WNT7B: variants seen among roughly 807,000 people sequenced by gnomAD.
WNT7B encodes protein Wnt-7b.
WNT7B carries 19 observed loss-of-function variants against 38.2 expected under a neutral mutation model. That is an observed-to-expected ratio of 0.50 (90% confidence interval 0.35 to 0.73). The LOEUF (loss-of-function observed/expected upper bound fraction) is 0.73. Among genes scored for constraint, WNT7B ranks in the 30% least tolerant of loss-of-function variants. The probability of loss-of-function intolerance (pLI) is 0.01; values close to 1 mark genes in which losing one functional copy is unlikely to be tolerated. For missense variants in WNT7B, 423 were observed against 507.9 expected, an observed-to-expected ratio of 0.83 and a Z score of 1.61; for synonymous variants, 243 against 209.3, an observed-to-expected ratio of 1.16 and a Z score of -1.39.
At position 45,976,979 on chromosome 22, in the gene WNT7B, G is replaced by T; in HGVS notation, c.-225C>A. ...TGAGCCCGGGGAATTGACCCAGGCTGGGGGCCGCGACCTCGAAGCCCGGTT... is the reference window on the plus strand; with the variant it reads ...TGAGCCCGGGGAATTGACCCAGGCTTGGGGCCGCGACCTCGAAGCCCGGTT... On this transcript the variant is annotated 5_prime_UTR_variant, in exon 1 of 4. Coordinates refer to ENST00000339464, the MANE Select transcript of WNT7B (RefSeq NM_058238.3). The surrounding 1 kb of genome is among the most constrained non-coding windows in gnomAD (Gnocchi z 8.5). 1 of 987,020 alleles carries T rather than the reference G, an allele frequency of 1.0e-6. No individual in the cohort carries two copies. Among genetic ancestry groups the T allele is most frequent in the South Asian group, 4.6e-5 (1 of 21,680 alleles). The allele number at this position is 987,020 out of a possible 1,614,324, so 61.1% of individuals were successfully genotyped here. A position where few individuals can be genotyped will look rare whatever the true frequency, so the allele number is the denominator to read the frequency against.
intron 1 of WNT7B, 78 bp from the exon 2 acceptor site, chr22:45,950,224 T>C: frequency 8.0e-7 from 1 of 1,253,814 alleles, no homozygotes; most frequent in South Asian, 1.3e-5. Flanking sequence ...TTTCCCCCAC[T>C]CAGCCTCTCA....
rs1439858862 is a variant in WNT7B, at chr22:45,949,854, TG to T, written c.298+65del. ...AACAGCGGCCTAGGCTGGCCTTCAG[TG>T]GGTGGCCTGGCCTACTGCCCCTGGC... On this transcript the variant is annotated intron_variant, in intron 2 of 3. Coordinates refer to ENST00000339464, the MANE Select transcript of WNT7B (RefSeq NM_058238.3). 47 of 1,494,676 alleles carry T rather than the reference TG, an allele frequency of 3.1e-5. No homozygotes were observed. The East Asian group carries it at 1.1e-3, about 34-fold the overall frequency. The allele number at this position is 1,494,676 out of a possible 1,614,324, so 92.6% of individuals were successfully genotyped here.
chr22:45,968,798 C>T (rs1932366996), intron 1 of WNT7B, among the ~76,000 whole-genome samples: 2 of 152,264 alleles, frequency 1.3e-5, no homozygotes, highest in South Asian at 4.1e-4. Context: ...ACCCCACATG[C>T]ACACCCTCTA....
chr22:45,929,589 C>T, intron 3 of WNT7B, among the ~76,000 whole-genome samples: 1 of 145,358 alleles, frequency 6.9e-6, no homozygotes, highest in Non-Finnish European at 1.5e-5. Flanking sequence ...TACTTCCATC[C>T]ATTCATGCAT....
Position 45,951,608 on chromosome 22 carries a change from C to A in WNT7B, c.72-1462G>T, listed in dbSNP as rs1931934557. 6.6e-6 allele frequency among the ~76,000 whole-genome samples: 1 copy of A among 152,220 alleles called. No homozygotes were observed. Among genetic ancestry groups the A allele is most frequent in the African/African-American group, 2.4e-5 (1 of 41,440 alleles). ...TTCTGTTCCCATGGATTTGCCCATTCTGGATGTTTCCTATGGATGGAACCA... is the reference window on the plus strand; with the variant it reads ...TTCTGTTCCCATGGATTTGCCCATTATGGATGTTTCCTATGGATGGAACCA... On this transcript the variant is annotated intron_variant, in intron 1 of 3. Transcript: ENST00000339464. This position sits in a 1 kb window ranked among gnomAD's most constrained non-coding sequence, Gnocchi z 4.8.
chr22:45,928,360 C>G (rs774894666), intron 3 of WNT7B, among the ~76,000 whole-genome samples: 9 of 152,208 alleles, frequency 5.9e-5, no homozygotes, highest in Non-Finnish European at 1.5e-5. Context: ...TCGGCCTTCT[C>G]CAAGGGCTCA....
chr22:45,945,422 C>G (rs1308549547), intron 2 of WNT7B, among the ~76,000 whole-genome samples: 1 of 152,200 alleles, frequency 6.6e-6, no homozygotes, highest in Non-Finnish European at 1.5e-5. Context: ...GCCAATATAT[C>G]CAAAATCTTA....
At position 45,965,315 on chromosome 22, in the gene WNT7B, G is replaced by A. The variant is rs981703815; in HGVS notation, c.71+11369C>T. On this transcript the variant is annotated intron_variant, in intron 1 of 3. Transcript: ENST00000339464. The surrounding 1 kb of genome is among the most constrained non-coding windows in gnomAD (Gnocchi z 6.5). ...AGAGCTCCTGCTGTGGGTCCCACAG[G>A]GCTTTGTGTCAACGACGCTGGAAGG... Among the ~76,000 whole-genome samples, 6 of 152,158 alleles carry A rather than the reference G, an allele frequency of 3.9e-5. No homozygotes were observed. The highest frequency in any genetic ancestry group is 1.5e-5 in the Non-Finnish European group (1 of 68,036).
At chr22:45,972,116 G>GGGGCCCCCCCCCCCCCCCCCCCCC in intron 1 of WNT7B, 1 of 530,746 alleles carries the variant, frequency 1.9e-6, no homozygotes, top group East Asian at 3.7e-5. Flanking sequence ...CCCGGGGGGA[G>GGGGCCCCCCCCCCCCCCCCCCCCC]CCCACCCGCC....
At chr22:45,939,035 G>A (rs1931579082) in intron 2 of WNT7B, among the ~76,000 whole-genome samples, 1 of 152,248 alleles carries the variant, frequency 6.6e-6, no homozygotes, top group Admixed American at 6.5e-5. Context: ...TCAAGGAAAT[G>A]CAAATCCAAC....
intron 2 of WNT7B, among the ~76,000 whole-genome samples, chr22:45,941,166 AGAGCTAAC>A (rs1163419354): frequency 6.6e-6 from 1 of 152,208 alleles, no homozygotes; most frequent in Non-Finnish European, 1.5e-5. Flanking sequence ...GTCTCAGCGT[AGAGCTAAC>A]GGGATTAGCA....
At chr22:45,935,097 C>T (rs550225836) in intron 2 of WNT7B, among the ~76,000 whole-genome samples, 2 of 152,314 alleles carry the variant, frequency 1.3e-5, no homozygotes, top group South Asian at 2.1e-4. Context: ...AGGCTTCCCC[C>T]GTGTCCCTCC....
At chr22:45,927,497 T>C (rs1329925498) in intron 3 of WNT7B, 28 of 1,548,574 alleles carry the variant, frequency 1.8e-5, no homozygotes, top group Non-Finnish European at 2.0e-5. Context: ...CAAGTGACTT[T>C]ATTTGGAAGT....
chr22:45,929,905 T>C (rs1569111561), intron 3 of WNT7B, among the ~76,000 whole-genome samples: 6 of 74,954 alleles, frequency 8.0e-5, no homozygotes, highest in South Asian at 1.0e-3. Flanking sequence ...CTCATCTATC[T>C]ACCCATCCAT....
chr22:45,926,805 A>G, intron 3 of WNT7B: 1 of 985,416 alleles, frequency 1.0e-6, no homozygotes, highest in African/African-American at 1.7e-5. Context: ...CCTCGAGTGA[A>G]GTTACATCAT....
Position 45,943,345 on chromosome 22 carries a change from G to A in WNT7B, c.298+6575C>T, listed in dbSNP as rs369576411. Among the ~76,000 whole-genome samples, 354 of 152,366 alleles carry A rather than the reference G, an allele frequency of 2.3e-3. 2 individuals are homozygous for A. Among genetic ancestry groups the A allele is most frequent in the African/African-American group, 8.4e-3 (348 of 41,594 alleles). On this transcript the variant is annotated intron_variant, in intron 2 of 3. Coordinates refer to ENST00000339464, the MANE Select transcript of WNT7B (RefSeq NM_058238.3). ...TCATGCCAGGTCCAAACACGCCGGC[G>A]CCCGTGCGCCCGAGGCCTTTGTTCC...
intron 1 of WNT7B, among the ~76,000 whole-genome samples, chr22:45,953,558 AC>A (rs1393780069): frequency 5.3e-5 from 8 of 152,198 alleles, no homozygotes; most frequent in Non-Finnish European, 1.2e-4. Flanking sequence ...AAGACAAACA[AC>A]CCAGTGTTAC....
At chr22:45,957,640 G>A (rs1298412627) in intron 1 of WNT7B, among the ~76,000 whole-genome samples, 4 of 117,134 alleles carry the variant, frequency 3.4e-5, no homozygotes, top group African/African-American at 1.3e-4. Flanking sequence ...CCGAGATCAT[G>A]CCACTGCACT....
At chr22:45,940,155 G>A (rs1299229439) in intron 2 of WNT7B, among the ~76,000 whole-genome samples, 1 of 152,124 alleles carries the variant, frequency 6.6e-6, no homozygotes, top group Non-Finnish European at 1.5e-5. Flanking sequence ...TGGACACATA[G>A]GGCCAATGGA....
Sources: allele counts gnomAD v4.1 joint callset (sites outside exome capture counted in the v4.1 genomes callset), GRCh38; gene constraint gnomAD v4.1.1; non-coding constraint Gnocchi (gnomAD v3.1); transcripts MANE v1.5; gene names NCBI Gene and HGNC (gene_info 2026-07-23, HGNC 2026-07-21).